Variants in ACOXL observed in about 807,000 individuals in gnomAD.
ACOXL encodes acyl-CoA oxidase like, also known as acyl-coenzyme A oxidase-like protein.
Under a neutral mutation model 71.9 loss-of-function variants are expected in ACOXL, and 70 were observed. The observed-to-expected ratio is 0.97, with a 90% CI of 0.80 to 1.19. ACOXL has a LOEUF of 1.19. Among genes scored for constraint, ACOXL ranks in the 50% most tolerant of loss-of-function variants. The pLI, the probability that ACOXL is intolerant of heterozygous loss-of-function variation, is 0.00. For synonymous variants in ACOXL, 253 were observed against 281.6 expected (o/e 0.90, Z 1.02); for missense variants, 703 against 736.3 (o/e 0.95, Z 0.52).
At chr2:111,102,621 T>C (rs1380577310) in intron 17 of ACOXL, among the ~76,000 whole-genome samples, 2 of 151,504 alleles carry the variant, frequency 1.3e-5, no homozygotes, top group Non-Finnish European at 2.9e-5. Flanking sequence ...TGGTGAAACT[T>C]GTACCTAAGA....
At chr2:111,022,345 A>C (rs544589042) in intron 14 of ACOXL, among the ~76,000 whole-genome samples, 1 of 152,202 alleles carries the variant, frequency 6.6e-6, no homozygotes, top group Admixed American at 6.5e-5. Flanking sequence ...AGCCTAGGTG[A>C]CAAGAGCGAA....
At chr2:111,064,767 A>G (rs1185534824) in intron 16 of ACOXL, among the ~76,000 whole-genome samples, 1 of 152,238 alleles carries the variant, frequency 6.6e-6, no homozygotes, top group Non-Finnish European at 1.5e-5. Context: ...CAATGTCTCA[A>G]AAAATTAGAA....
chr2:111,015,974 C>G (rs1244937012), intron 14 of ACOXL, among the ~76,000 whole-genome samples: 3 of 152,062 alleles, frequency 2.0e-5, no homozygotes, highest in African/African-American at 7.2e-5. Flanking sequence ...ACTCTGTTGC[C>G]CAGGCTGGAG....
intron 16 of ACOXL, among the ~76,000 whole-genome samples, chr2:111,056,902 C>T (rs1427727491): frequency 1.3e-5 from 2 of 152,072 alleles, no homozygotes; most frequent in Non-Finnish European, 2.9e-5. Context: ...TCTTCGGAAA[C>T]ATTTTTGAGT....
intron 5 of ACOXL, 152 bp from the exon 6 acceptor site, chr2:110,798,458 A>G (rs1016024458): frequency 2.1e-5 from 12 of 564,912 alleles, no homozygotes; most frequent in East Asian, 3.3e-5. Flanking sequence ...GGGTTTCACC[A>G]TGTTAGCCAG....
chr2:111,008,793 T>C (rs2063995596), intron 14 of ACOXL, among the ~76,000 whole-genome samples: 1 of 152,206 alleles, frequency 6.6e-6, no homozygotes, highest in African/African-American at 2.4e-5. Context: ...TATTTTTCAA[T>C]TTTTGCCAGT....
chr2:110,913,375 G>C (rs1181102401), intron 11 of ACOXL, among the ~76,000 whole-genome samples: 1 of 152,124 alleles, frequency 6.6e-6, no homozygotes, highest in Non-Finnish European at 1.5e-5. Flanking sequence ...ATTGACAAAT[G>C]GGTAAACAAA....
At chr2:111,048,470 A>G (rs1272938035) in intron 15 of ACOXL, among the ~76,000 whole-genome samples, 1 of 152,216 alleles carries the variant, frequency 6.6e-6, no homozygotes, top group Non-Finnish European at 1.5e-5. Context: ...GCATGAAACA[A>G]TGTAGTCAAC....
chr2:110,966,342 G>A (rs1359443297), intron 12 of ACOXL, among the ~76,000 whole-genome samples: 1 of 152,168 alleles, frequency 6.6e-6, no homozygotes, highest in Non-Finnish European at 1.5e-5. Context: ...CCACCCTGGG[G>A]CCAGCAGGGG....
At position 110,797,705 on chromosome 2, in the gene ACOXL, C is replaced by T. The variant is rs75608307; in HGVS notation, c.346-905C>T. ...GGAGTGAACACCAGCAGACAAAGTG[C>T]GACTCACAGATGCGGACCCTGGGAC... On this transcript the variant is annotated intron_variant, in intron 5 of 17. Transcript: ENST00000439055. Among the ~76,000 whole-genome samples the T allele has an allele frequency of 4.1e-3, 620 of 152,278 alleles. 6 individuals are homozygous for T. Among genetic ancestry groups the T allele is most frequent in the African/African-American group, 0.014 (599 of 41,560 alleles).
At chr2:110,769,373 G>A (rs1180764318) in intron 2 of ACOXL, among the ~76,000 whole-genome samples, 1 of 152,170 alleles carries the variant, frequency 6.6e-6, no homozygotes, top group Non-Finnish European at 1.5e-5. Flanking sequence ...TCAGCAGGGT[G>A]TGGTGGCTCA....
chr2:110,987,294 A>G (rs2062977334), intron 13 of ACOXL, 77 bp downstream of exon 13: 1 of 1,339,350 alleles, frequency 7.5e-7, no homozygotes, highest in Non-Finnish European at 1.0e-6. Context: ...CCTTGGCATA[A>G]CTCACTCTTG....
chr2:110,915,350 A>ATATATATATATATATGTG (rs1491355100), intron 11 of ACOXL, among the ~76,000 whole-genome samples: 4 of 113,634 alleles, frequency 3.5e-5, no homozygotes, highest in South Asian at 5.6e-4. Flanking sequence ...ATATATATAT[A>ATATATATATATATATGTG]TGTGTGTGTG....
At chr2:110,811,437 G>A (rs1687303209) in intron 9 of ACOXL, among the ~76,000 whole-genome samples, 1 of 152,178 alleles carries the variant, frequency 6.6e-6, no homozygotes, top group South Asian at 2.1e-4. Context: ...GATGGAAGGG[G>A]AGGCTATGGG....
intron 3 of ACOXL, among the ~76,000 whole-genome samples, chr2:110,789,422 C>A (rs1346494701): frequency 1.3e-5 from 2 of 152,172 alleles, no homozygotes; most frequent in African/African-American, 4.8e-5. Flanking sequence ...ATACCATGGG[C>A]TGGATGAGTT....
At chr2:110,997,174 A>C (rs980501282) in intron 14 of ACOXL, among the ~76,000 whole-genome samples, 5 of 152,188 alleles carry the variant, frequency 3.3e-5, no homozygotes, top group African/African-American at 1.2e-4. Flanking sequence ...AAGACTATAG[A>C]AGAAAAGGCT....
intron 10 of ACOXL, among the ~76,000 whole-genome samples, chr2:110,859,105 GC>G (rs1559354503): frequency 6.6e-6 from 1 of 152,222 alleles, no homozygotes; most frequent in African/African-American, 2.4e-5. Flanking sequence ...GATTTTATCT[GC>G]CTGGGCTTTG....
At chr2:111,015,112 T>A (rs1297788809) in intron 14 of ACOXL, among the ~76,000 whole-genome samples, 1 of 152,256 alleles carries the variant, frequency 6.6e-6, no homozygotes, top group African/African-American at 2.4e-5. Context: ...TAAATCTTGA[T>A]AAATTGAATC....
At chr2:110,971,375 A>G (rs924444737) in intron 12 of ACOXL, among the ~76,000 whole-genome samples, 1 of 152,258 alleles carries the variant, frequency 6.6e-6, no homozygotes. Flanking sequence ...GGATGCCAGT[A>G]AATGTTTTGT....
Sources: allele counts gnomAD v4.1 joint callset (sites outside exome capture counted in the v4.1 genomes callset), GRCh38; gene constraint gnomAD v4.1.1; transcripts MANE v1.5; gene names NCBI Gene and HGNC (gene_info 2026-07-23, HGNC 2026-07-21).